The following HHIPL1 variants were observed in gnomAD, a reference collection of about 807,000 sequenced individuals.
HHIPL1 encodes the protein HHIP like 1, also known as HHIP-like protein 1.
A neutral mutation model predicts 61.8 loss-of-function variants in HHIPL1; 43 were observed. The observed-to-expected ratio is 0.70, with a 90% CI of 0.55 to 0.90. The LOEUF (loss-of-function observed/expected upper bound fraction) is 0.90. Ranked by LOEUF, HHIPL1 falls within the 40% of genes least tolerant of loss-of-function variation. The pLI, the probability that HHIPL1 is intolerant of heterozygous loss-of-function variation, is 0.00. For synonymous variants in HHIPL1, 482 were observed against 515.8 expected (o/e 0.93, Z 0.89); for missense variants, 1,056 against 1,157.7 (o/e 0.91, Z 1.28).
chr14:99,663,705 T>A (rs541413955), intron 6 of HHIPL1, among the ~76,000 whole-genome samples: 1 of 152,278 alleles, frequency 6.6e-6, no homozygotes, highest in South Asian at 2.1e-4. Flanking sequence ...TCCTCATGCG[T>A]CTTCACCTCT....
chr14:99,610,252 C>A, the HHIPL1 span, among the ~76,000 whole-genome samples: 1 of 152,164 alleles, frequency 6.6e-6, no homozygotes, highest in East Asian at 1.9e-4. Flanking sequence ...TAATATTATT[C>A]TTATGGTGAA....
At chr14:99,661,418 A>AG (rs1595161888) in intron 5 of HHIPL1, among the ~76,000 whole-genome samples, 2 of 55,126 alleles carry the variant, frequency 3.6e-5, no homozygotes, top group African/African-American at 1.7e-4. Context: ...AGAGAGAGAG[A>AG]AAAGAAGGAA....
chr14:99,622,006 C>T, the HHIPL1 span, among the ~76,000 whole-genome samples: 141 of 152,250 alleles, frequency 9.3e-4, no homozygotes, highest in African/African-American at 2.9e-3. Flanking sequence ...TAAGCCACCG[C>T]GCCTGGCCAA....
At chr14:99,615,643 GGA>G in the HHIPL1 span, among the ~76,000 whole-genome samples, 8,439 of 24,798 alleles carry the variant, frequency 0.34, 835 homozygotes, top group African/African-American at 0.4. Context: ...GAGAAAGAAA[GGA>G]AGAGAGAGAG....
In HHIPL1 at chr14:99,647,138, C is replaced by T. The variant is rs77419534; in HGVS notation, c.255+1676C>T. Among the ~76,000 whole-genome samples, 422 of 152,158 alleles carry T rather than the reference C, an allele frequency of 2.8e-3. 8 individuals carry two copies. In the East Asian group the frequency reaches 0.04, roughly 14 times the overall value. ...GGGACATGGACCACACTCGCTGAAG[C>T]GAGCTCATATCTTAGGTGGGAAGCA... On this transcript the variant is annotated intron_variant, in intron 1 of 8. Transcript: ENST00000330710.
In HHIPL1 at chr14:99,657,005, TC is replaced by T. The variant is rs758040519; in HGVS notation, c.910del (p.Leu304TrpfsTer186). On this transcript the variant is annotated frameshift_variant, in exon 3 of 9. Coordinates refer to ENST00000330710, the MANE Select transcript of HHIPL1 (RefSeq NM_001127258.3). LOFTEE classifies it high-confidence loss of function. ...GGGCCCTTATCTTCCTTTAGGATAA[TC>T]CTGGAGGTCAAAGAACCAGCCTCAA... is the stretch of plus-strand genomic sequence containing the variant. Reference protein sequence around the residue: ...NAVDHSSERIILEVKEPASNH... With the variant: ...NAVDHSSERIXLEVKEPASNH... 5.9e-5 allele frequency: 95 copies of T among 1,609,388 alleles called. No homozygotes were observed. In the Admixed American group the frequency reaches 1.5e-3, roughly 26 times the overall value.
At chr14:99,633,750 G>T in the HHIPL1 span, among the ~76,000 whole-genome samples, 1 of 152,234 alleles carries the variant, frequency 6.6e-6, no homozygotes, top group East Asian at 1.9e-4. Context: ...GAGCAGGAGA[G>T]CAGGCAGCCT....
intron 6 of HHIPL1, among the ~76,000 whole-genome samples, chr14:99,666,910 C>A (rs990847127): frequency 2.0e-5 from 3 of 152,198 alleles, no homozygotes; most frequent in Non-Finnish European, 2.9e-5. Context: ...GCTGGGTCTA[C>A]CCCGGTTACA....
the HHIPL1 span, among the ~76,000 whole-genome samples, chr14:99,637,177 A>AAAGAAAGAATGG: frequency 3.5e-5 from 5 of 143,454 alleles, no homozygotes; most frequent in Non-Finnish European, 7.7e-5. Context: ...AAAAAGAAAG[A>AAAGAAAGAATGG]AAGAAAGAAT....
chr14:99,631,210 A>G, the HHIPL1 span, among the ~76,000 whole-genome samples: 5 of 150,556 alleles, frequency 3.3e-5, no homozygotes, highest in Non-Finnish European at 7.4e-5. Context: ...GAATTCTCCT[A>G]CCTCAGCCCC....
chr14:99,646,827 GATATGATATA>G (rs1376695703), intron 1 of HHIPL1, among the ~76,000 whole-genome samples: 18 of 84,878 alleles, frequency 2.1e-4, no homozygotes, highest in Admixed American at 5.4e-4. Flanking sequence ...GATATGATAT[GATATGATATA>G]ATATAATATA....
At position 99,668,902 on chromosome 14, in the gene HHIPL1, C is replaced by CCGTT. The variant is rs765945128; in HGVS notation, c.1730+601_1730+604dup. 2.5e-6 allele frequency: 4 copies of CCGTT among 1,613,536 alleles called. No individual in the cohort carries two copies. In the South Asian group the frequency reaches 4.4e-5, roughly 18 times the overall value. ...CGTGTGCAGCTCATTGACGTCTCAG[C>CCGTT]CGTTCATTTTACAGTGGTGGAAATG... On this transcript the variant is annotated intron_variant, in intron 7 of 8. Transcript: ENST00000330710. This position sits in a 1 kb window ranked among gnomAD's most constrained non-coding sequence, Gnocchi z 4.7.
chr14:99,622,084 G>C, the HHIPL1 span, among the ~76,000 whole-genome samples: 1 of 151,912 alleles, frequency 6.6e-6, no homozygotes, highest in African/African-American at 2.4e-5. Context: ...TTGTCAGTTT[G>C]TGCAATTGAC....
the HHIPL1 span, among the ~76,000 whole-genome samples, chr14:99,605,176 G>T: frequency 2.0e-4 from 30 of 152,324 alleles, no homozygotes; most frequent in Non-Finnish European, 8.8e-5. Context: ...TCTGCAATTC[G>T]CGGGGTGGAA....
At position 99,660,622 on chromosome 14, in the gene HHIPL1, T is replaced by C. The variant is rs1271228269; in HGVS notation, c.1502+216T>C. ...GCTGCAGGCCTCAGTACCTCTATGA[T>C]AGACACACAACTCATGGCATTAAAG... On this transcript the variant is annotated intron_variant, in intron 5 of 8. Coordinates refer to ENST00000330710, the MANE Select transcript of HHIPL1 (RefSeq NM_001127258.3). The surrounding 1 kb of genome is among the most constrained non-coding windows in gnomAD (Gnocchi z 4.9). Among the ~76,000 whole-genome samples, 3 of 152,166 alleles carry C rather than the reference T, an allele frequency of 2.0e-5. No individual in the cohort carries two copies. Among genetic ancestry groups the C allele is most frequent in the Non-Finnish European group, 4.4e-5 (3 of 68,016 alleles).
In HHIPL1 at chr14:99,657,709, A is replaced by G. The variant is rs570122813; in HGVS notation, c.1046+566A>G. ...CACACACACATACACAAATATGCAT[A>G]CACACACATGTACACACATATATAC... On this transcript the variant is annotated intron_variant, in intron 3 of 8. Transcript: ENST00000330710. Among the ~76,000 whole-genome samples the G allele has an allele frequency of 2.0e-5, 3 of 152,114 alleles. No homozygotes were observed. In the South Asian group the frequency reaches 6.2e-4, roughly 32 times the overall value.
At position 99,676,542 on chromosome 14, in the gene HHIPL1, C is replaced by A; in HGVS notation, c.*916C>A. ...CCACCTCTGTCCTTTCCATCCCCATCCCTGCTCAGTGTAAACCCAGGAGAC... is the reference window on the plus strand; with the variant it reads ...CCACCTCTGTCCTTTCCATCCCCATACCTGCTCAGTGTAAACCCAGGAGAC... On this transcript the variant is annotated 3_prime_UTR_variant, in exon 9 of 9. Transcript: ENST00000330710. The A allele has an allele frequency of 6.6e-6, 1 of 152,532 alleles. No homozygotes were observed. 9.4% of individuals were successfully genotyped at this position (152,532 alleles called of 1,614,324 possible). A position where few individuals can be genotyped will look rare whatever the true frequency, so the allele number is the denominator to read the frequency against.
At chr14:99,657,973 A>G (rs2056080369) in intron 3 of HHIPL1, among the ~76,000 whole-genome samples, 1 of 152,170 alleles carries the variant, frequency 6.6e-6, no homozygotes. Context: ...TCACACACAT[A>G]CATACACACA....
intron 1 of HHIPL1, among the ~76,000 whole-genome samples, chr14:99,647,670 T>A (rs938074628): frequency 8.5e-5 from 13 of 152,194 alleles, no homozygotes; most frequent in Non-Finnish European, 1.9e-4. Context: ...TCCTGGAGCA[T>A]GCTGGCGGGA....
Sources: gnomAD v4.1 joint callset for allele counts (sites outside exome capture counted in the v4.1 genomes callset) on GRCh38, gnomAD v4.1.1 for gene constraint, Gnocchi (gnomAD v3.1) non-coding constraint, MANE v1.5 for transcripts, NCBI Gene and HGNC (gene_info 2026-07-23, HGNC 2026-07-21) for gene names.